The following SORCS3 variants were observed in gnomAD, a reference collection of about 807,000 sequenced individuals.
SORCS3 encodes the protein sortilin related VPS10 domain containing receptor 3.
Under a neutral mutation model 146.3 loss-of-function variants are expected in SORCS3, and 57 were observed. The observed-to-expected ratio is 0.39, with a 90% CI of 0.31 to 0.49. The LOEUF (loss-of-function observed/expected upper bound fraction) is 0.49. SORCS3 is among the 20% of genes least tolerant of loss of function. SORCS3 has a pLI of 0.92. For synonymous variants in SORCS3, 653 were observed against 618.5 expected, an observed-to-expected ratio of 1.06 and a Z score of -0.83; for missense variants, 1,341 against 1,575.5, an observed-to-expected ratio of 0.85 and a Z score of 2.52.
chr10:104,884,024 G>C (rs1305097820), intron 2 of SORCS3, among the ~76,000 whole-genome samples: 1 of 151,990 alleles, frequency 6.6e-6, no homozygotes, highest in Non-Finnish European at 1.5e-5. Context: ...TGACCAAACA[G>C]ATGGTACAGC....
chr10:104,669,749 G>A (rs2133256096), intron 1 of SORCS3, among the ~76,000 whole-genome samples: 1 of 152,132 alleles, frequency 6.6e-6, no homozygotes, highest in Admixed American at 6.5e-5. Context: ...CACTTCTTTT[G>A]GGGAAATGCC....
intron 2 of SORCS3, among the ~76,000 whole-genome samples, chr10:104,848,641 A>T (rs1250872112): frequency 6.6e-6 from 1 of 152,174 alleles, no homozygotes; most frequent in East Asian, 1.9e-4. Context: ...GGCTGGGCTG[A>T]TATAAGCTGT....
chr10:104,795,395 A>G (rs1365333929), intron 1 of SORCS3, among the ~76,000 whole-genome samples: 2 of 152,232 alleles, frequency 1.3e-5, no homozygotes, highest in African/African-American at 4.8e-5. Flanking sequence ...GAATAAGTTA[A>G]TCTTCCTTTA....
intron 1 of SORCS3, among the ~76,000 whole-genome samples, chr10:104,652,059 ATGTGTG>A (rs3069971): frequency 0.015 from 2,190 of 148,784 alleles, 20 homozygotes; most frequent in South Asian, 0.026. Context: ...TATATTTTAA[ATGTGTG>A]TGTGTGTGTG....
intron 2 of SORCS3, among the ~76,000 whole-genome samples, chr10:104,858,788 AT>A (rs1163558472): frequency 6.6e-6 from 1 of 151,728 alleles, no homozygotes; most frequent in Non-Finnish European, 1.5e-5. Flanking sequence ...CGCCTGGCTA[AT>A]TTTTTGTGTT....
intron 4 of SORCS3, among the ~76,000 whole-genome samples, chr10:105,012,563 C>T (rs1225973816): frequency 6.6e-6 from 1 of 152,080 alleles, no homozygotes; most frequent in Non-Finnish European, 1.5e-5. Flanking sequence ...AGTCATTCCC[C>T]CAATAACATG....
intron 9 of SORCS3, among the ~76,000 whole-genome samples, chr10:105,153,295 C>T (rs2056180609): frequency 2.6e-5 from 4 of 152,148 alleles, no homozygotes; most frequent in Non-Finnish European, 2.9e-5. Context: ...ATATTGGTTC[C>T]TTCTGTTTCT....
At position 105,196,709 on chromosome 10, in the gene SORCS3, C is replaced by A. The variant is rs1321362990; in HGVS notation, c.2010-3290C>A. Among the ~76,000 whole-genome samples, 3 of 152,170 alleles carry A rather than the reference C, an allele frequency of 2.0e-5. No homozygotes were observed. The East Asian group carries it at 5.8e-4, about 29-fold the overall frequency. Reference sequence around the variant, plus strand: ...GAATATCAACCTGCTGCTCTTCCCTCACTGCACTTAGGAATCCTAAGTCAT... The same window carrying A: ...GAATATCAACCTGCTGCTCTTCCCTAACTGCACTTAGGAATCCTAAGTCAT... On this transcript the variant is annotated intron_variant, in intron 14 of 26. Coordinates refer to ENST00000369701, the MANE Select transcript of SORCS3 (RefSeq NM_014978.3).
intron 1 of SORCS3, among the ~76,000 whole-genome samples, chr10:104,751,957 ATATATATAT>A (rs1564675436): frequency 0.041 from 4,794 of 116,688 alleles, 199 homozygotes; most frequent in Admixed American, 0.051. Context: ...ATATATATAT[ATATATATAT>A]ATAATAGTTT....
At chr10:105,047,229 C>T (rs2055379763) in intron 5 of SORCS3, among the ~76,000 whole-genome samples, 1 of 151,984 alleles carries the variant, frequency 6.6e-6, no homozygotes, top group Non-Finnish European at 1.5e-5. Context: ...CATGCTCAGC[C>T]TCTTTGGGCA....
chr10:105,160,209 T>G (rs1270878229), intron 11 of SORCS3, among the ~76,000 whole-genome samples: 1 of 152,234 alleles, frequency 6.6e-6, no homozygotes, highest in African/African-American at 2.4e-5. Context: ...ATATTTAGTG[T>G]GTAGCCAGGC....
intron 4 of SORCS3, among the ~76,000 whole-genome samples, chr10:105,003,231 A>G (rs1248778009): frequency 6.6e-6 from 1 of 152,196 alleles, no homozygotes; most frequent in Non-Finnish European, 1.5e-5. Flanking sequence ...AGTTATTATA[A>G]TATTATTCTG....
At chr10:104,762,620 C>T (rs1476739943) in intron 1 of SORCS3, among the ~76,000 whole-genome samples, 1 of 152,124 alleles carries the variant, frequency 6.6e-6, no homozygotes, top group African/African-American at 2.4e-5. Context: ...GAGGGAAGGA[C>T]CTGATGGGAG....
At position 104,894,714 on chromosome 10, in the gene SORCS3, C is replaced by T. The variant is rs11192223; in HGVS notation, c.696-21119C>T. Among the ~76,000 whole-genome samples, 448 of 152,126 alleles carry T rather than the reference C, an allele frequency of 2.9e-3. 2 individuals are homozygous for T. Among genetic ancestry groups the T allele is most frequent in the South Asian group, 0.018 (88 of 4,812 alleles). On this transcript the variant is annotated intron_variant, in intron 2 of 26. Coordinates refer to ENST00000369701, the MANE Select transcript of SORCS3 (RefSeq NM_014978.3). The stretch of plus-strand genomic sequence containing the variant: ...GGATGGAAGAACAGTCATGATGATT[C>T]GAATGTTTTGGACCAGGAAGAGTTG...
At chr10:105,094,565 C>T (rs2133745053) in intron 6 of SORCS3, among the ~76,000 whole-genome samples, 1 of 152,240 alleles carries the variant, frequency 6.6e-6, no homozygotes, top group East Asian at 1.9e-4. Context: ...GTGATATCAT[C>T]CTTACCATCA....
In SORCS3 at chr10:104,984,592, TTTAAA is replaced by T. The variant is rs770975851; in HGVS notation, c.954+7103_954+7107del. 1.2e-4 allele frequency among the ~76,000 whole-genome samples: 19 copies of T among 152,304 alleles called. No individual in the cohort carries two copies. The East Asian group carries it at 3.5e-3, about 28-fold the overall frequency. On this transcript the variant is annotated intron_variant, in intron 4 of 26. Coordinates refer to ENST00000369701, the MANE Select transcript of SORCS3 (RefSeq NM_014978.3). ...AACTTACTGCCTAACATTAAGGGACTTTAAATTATGGTATATACATTTACTGGGGT... is the reference window on the plus strand; with the variant it reads ...AACTTACTGCCTAACATTAAGGGACTTTATGGTATATACATTTACTGGGGT...
At chr10:104,979,313 G>A (rs981434548) in intron 4 of SORCS3, among the ~76,000 whole-genome samples, 1 of 152,118 alleles carries the variant, frequency 6.6e-6, no homozygotes, top group African/African-American at 2.4e-5. Context: ...CTTAAGAAAA[G>A]ACATTTTAGA....
rs527769105 is a variant in SORCS3 at position 104,735,156 on chromosome 10, G to A, written c.627+93202G>A. On this transcript the variant is annotated intron_variant, in intron 1 of 26. Coordinates refer to ENST00000369701, the MANE Select transcript of SORCS3 (RefSeq NM_014978.3). ...CTGTTCCCTGCCGCTTGCCTTTCAC[G>A]TGGCTCTCCTGCCTGGTGACTGTCG... 5.7e-4 allele frequency among the ~76,000 whole-genome samples: 87 copies of A among 152,152 alleles called. 1 individual carries two copies. The highest frequency in any genetic ancestry group is 3.8e-4 in the Non-Finnish European group (26 of 68,020).
intron 1 of SORCS3, among the ~76,000 whole-genome samples, chr10:104,704,389 C>G (rs1205012349): frequency 6.6e-6 from 1 of 152,026 alleles, no homozygotes; most frequent in Non-Finnish European, 1.5e-5. Context: ...GTTGCCCAGG[C>G]TAGTCTCAAA....
Sources: gnomAD v4.1 joint callset for allele counts (sites outside exome capture counted in the v4.1 genomes callset) on GRCh38, gnomAD v4.1.1 for gene constraint, MANE v1.5 for transcripts, NCBI Gene and HGNC (gene_info 2026-07-23, HGNC 2026-07-21) for gene names.